ITGA7: variants seen among roughly 807,000 people sequenced by gnomAD.
ITGA7 encodes the protein integrin alpha-7.
ITGA7 carries 84 observed loss-of-function variants against 131.6 expected under a neutral mutation model. The observed-to-expected ratio is 0.64, with a 90% CI of 0.54 to 0.77. The LOEUF (loss-of-function observed/expected upper bound fraction) is 0.77, where lower values mean the gene tolerates loss of function less well. Ranked by LOEUF, ITGA7 falls within the 30% of genes least tolerant of loss-of-function variation. The pLI is 0.00. For missense variants in ITGA7, 1,399 were observed against 1,482.9 expected, an observed-to-expected ratio of 0.94 and a Z score of 0.93; for synonymous variants, 548 against 600.7, an observed-to-expected ratio of 0.91 and a Z score of 1.28.
Position 55,685,022 on chromosome 12 carries a change from G to A in ITGA7, c.*36C>T. 2 of 1,509,358 alleles carry A rather than the reference G, an allele frequency of 1.3e-6. No homozygotes were observed. The highest frequency in any genetic ancestry group is 1.8e-6 in the Non-Finnish European group (2 of 1,120,984). The allele number at this position is 1,509,358 out of a possible 1,614,324, so 93.5% of individuals were successfully genotyped here. On this transcript the variant is annotated 3_prime_UTR_variant, in exon 25 of 25. Coordinates refer to ENST00000257879, the MANE Select transcript of ITGA7 (RefSeq NM_002206.3). ...AAGGAGCCATCTCTGGGGAAGGGATGGAGGGCAGCCACAGGCCAGGCTGGG... is the reference window on the plus strand; with the variant it reads ...AAGGAGCCATCTCTGGGGAAGGGATAGAGGGCAGCCACAGGCCAGGCTGGG...
chr12:55,698,963 G>A, intron 5 of ITGA7, 46 bp from the exon 6 acceptor site: 1 of 1,536,974 alleles, frequency 6.5e-7, no homozygotes, highest in Non-Finnish European at 8.8e-7. Flanking sequence ...CCAAGACTCA[G>A]AAGCTGGGGT....
At position 55,688,076 on chromosome 12, in the gene ITGA7, CA is replaced by C. The variant is rs761673388; in HGVS notation, c.3077del (p.Leu1026TrpfsTer27). ...ASTVIPVMVY[L>X]DPMAVVAEGV... ...CTTCTGCCACCACAGCCATGGGGTC[CA>C]AGTATACCATCACTGGGATCTGGGG... On this transcript the variant is annotated frameshift_variant, in exon 24 of 25. Coordinates refer to ENST00000257879, the MANE Select transcript of ITGA7 (RefSeq NM_002206.3). LOFTEE classifies it high-confidence loss of function. 6.2e-7 allele frequency: 1 copy of C among 1,614,106 alleles called. No individual in the cohort carries two copies.
intron 4 of ITGA7, chr12:55,700,642 A>ATGCAGGCCCCAGC (rs1313651187): frequency 3.1e-6 from 2 of 637,720 alleles, no homozygotes; most frequent in African/African-American, 1.8e-5. Context: ...GTGTTGGAGC[A>ATGCAGGCCCCAGC]TGCAGGCCCC....
chr12:55,707,891 G>T lies in ITGA7; in HGVS notation c.-209C>A, dbSNP rs1403721424. The T allele has an allele frequency of 3.6e-6, 5 of 1,404,116 alleles. No homozygotes were observed. The highest frequency in any genetic ancestry group is 4.6e-6 in the Non-Finnish European group (5 of 1,085,534). 87.0% of individuals were successfully genotyped at this position (1,404,116 alleles called of 1,614,324 possible). On this transcript the variant is annotated 5_prime_UTR_variant, in exon 1 of 25. It adds an upstream start codon to the 5' untranslated region. Coordinates refer to ENST00000257879, the MANE Select transcript of ITGA7 (RefSeq NM_002206.3). ...GGCTAGGACAACTACAGCAGCCGCAGCTCCGGCGCCCACTCCGGCTCCCGC... is the reference window on the plus strand; with the variant it reads ...GGCTAGGACAACTACAGCAGCCGCATCTCCGGCGCCCACTCCGGCTCCCGC...
intron 5 of ITGA7, 105 bp downstream of exon 5, chr12:55,699,765 T>G: frequency 8.2e-6 from 11 of 1,343,280 alleles, no homozygotes; most frequent in Non-Finnish European, 1.1e-5. Flanking sequence ...CCTGGGTGTG[T>G]GTTGGGGGAG....
intron 22 of ITGA7, 72 bp downstream of exon 22, chr12:55,688,771 AG>A: frequency 6.6e-6 from 7 of 1,058,212 alleles, no homozygotes; most frequent in Non-Finnish European, 8.8e-6. Context: ...GTGAGGAAGG[AG>A]GAGGAGAAAT....
intron 3 of ITGA7, chr12:55,701,437 C>G: frequency 6.4e-7 from 1 of 1,551,622 alleles, no homozygotes; most frequent in Non-Finnish European, 8.7e-7. Flanking sequence ...CCAAAAGACA[C>G]AATTAAGCCA....
Position 55,698,399 on chromosome 12 carries a change from G to A in ITGA7, c.1176C>T (p.Asn392=), listed in dbSNP as rs746493879. The A allele has an allele frequency of 1.9e-6, 3 of 1,613,000 alleles. No individual in the cohort carries two copies. The highest frequency in any genetic ancestry group is 4.5e-5 in the East Asian group (2 of 44,814). ...CCGTCACACCTGGAAAGCCATCTTG[G>A]TTGAGGTCCCCCAGGACAGCCAGGC... ...GISLAVLGDL[N]QDGFPDIAVG... is the part of the protein sequence containing the mutation. Residue 392 remains asparagine, a synonymous_variant, in exon 7 of 25, where the codon AAC becomes AAT. Transcript: ENST00000257879.
In ITGA7 at chr12:55,693,303, G is replaced by A. The variant is rs751592658; in HGVS notation, c.2550C>T (p.Gly850=). 7 of 1,613,948 alleles carry A rather than the reference G, an allele frequency of 4.3e-6. No homozygotes were observed. In the African/African-American group the frequency reaches 9.3e-5, roughly 22 times the overall value. The change falls in exon 20 of 25, where the codon GGC becomes GGT. Residue 850 remains glycine, a synonymous_variant. Transcript: ENST00000257879. The stretch of plus-strand genomic sequence containing the variant: ...CAGAGCCCAGGGTTCTGAGCGACTG[G>A]CCTTGGTTGGAAACCTGTGGGAAAA... ...VKYEVTVSNQ[G]QSLRTLGSAF...
At chr12:55,691,316 G>T (rs537409332) in intron 21 of ITGA7, among the ~76,000 whole-genome samples, 1 of 152,034 alleles carries the variant, frequency 6.6e-6, no homozygotes, top group Non-Finnish European at 1.5e-5. Flanking sequence ...GAGTGGAGGC[G>T]GGGTGTGGCT....
chr12:55,706,991 C>A (rs1875334976), intron 1 of ITGA7, among the ~76,000 whole-genome samples: 1 of 152,252 alleles, frequency 6.6e-6, no homozygotes, highest in Non-Finnish European at 1.5e-5. Flanking sequence ...TGCCCTGCTG[C>A]CCTCATTCCA....
chr12:55,709,533 C>T (rs1191469872), upstream of ITGA7, among the ~76,000 whole-genome samples: 1 of 152,186 alleles, frequency 6.6e-6, no homozygotes, highest in Non-Finnish European at 1.5e-5. Flanking sequence ...ATGCTGTCAG[C>T]AGGGCTGGCA....
chr12:55,712,559 T>G (rs17117910), upstream of ITGA7: 1,458 of 516,238 alleles, frequency 2.8e-3, 35 homozygotes, highest in East Asian at 0.04. Context: ...GAGTGTGGAG[T>G]TGCATTCATT....
chr12:55,696,465 C>T, intron 12 of ITGA7, 33 bp from the exon 13 acceptor site: 1 of 1,580,152 alleles, frequency 6.3e-7, no homozygotes, highest in Non-Finnish European at 8.6e-7. Flanking sequence ...CTCACTGGAA[C>T]AATCCCCAGG....
upstream of ITGA7, among the ~76,000 whole-genome samples, chr12:55,709,000 A>G (rs937426633): frequency 1.3e-5 from 2 of 152,194 alleles, no homozygotes; most frequent in African/African-American, 4.8e-5. Flanking sequence ...GAGACAGGAA[A>G]TAATTTGGCA....
At position 55,694,422 on chromosome 12, in the gene ITGA7, T is replaced by G. The variant is rs7953669; in HGVS notation, c.2357+21A>C. On this transcript the variant is annotated intron_variant, in intron 17 of 24. Transcript: ENST00000257879. The surrounding 1 kb of genome is among the most constrained non-coding windows in gnomAD (Gnocchi z 5.3). Reference sequence around the variant, plus strand: ...CAATATGACTACCCCCACCTCACCCTTCCGGCCCCGCCTGGCTTACGTGGC... The same window carrying G: ...CAATATGACTACCCCCACCTCACCCGTCCGGCCCCGCCTGGCTTACGTGGC... 2 of 1,613,780 alleles carry G rather than the reference T, an allele frequency of 1.2e-6. No homozygotes were observed. The highest frequency in any genetic ancestry group is 2.2e-5 in the South Asian group (2 of 91,084).
rs1446822873 is a variant in ITGA7 at position 55,694,431 on chromosome 12, C to T, written c.2357+12G>A. Reference sequence around the variant, plus strand: ...TACCCCCACCTCACCCTTCCGGCCCCGCCTGGCTTACGTGGCCAACAGCAG... The same window carrying T: ...TACCCCCACCTCACCCTTCCGGCCCTGCCTGGCTTACGTGGCCAACAGCAG... On this transcript the variant is annotated intron_variant, in intron 17 of 24. Transcript: ENST00000257879. The surrounding 1 kb of genome is among the most constrained non-coding windows in gnomAD (Gnocchi z 5.3). The T allele has an allele frequency of 3.1e-6, 5 of 1,614,118 alleles. No homozygotes were observed. Among genetic ancestry groups the T allele is most frequent in the East Asian group, 2.2e-5 (1 of 44,876 alleles).
At chr12:55,707,945 C>T, upstream of ITGA7, 2 of 1,348,850 alleles carry the variant, frequency 1.5e-6, no homozygotes, top group Non-Finnish European at 1.9e-6. Context: ...CACTCAGGCC[C>T]CGCCTCCGGC....
rs1323392029 is a variant in ITGA7, at chr12:55,696,368, C to T, written c.1802G>A (p.Arg601Gln). ...CTGGCCAGGAGCCTGTCGCCGGAGC[C>T]GAGGGGTCTGGAGACTGTAGGACAA... Reference protein sequence around the residue: ...VTLSYSLQTPRLRRQAPGQGL... With the variant: ...VTLSYSLQTPQLRRQAPGQGL... The change falls in exon 13 of 25, where the codon CGG becomes CAG. Residue 601 changes from arginine (R) to glutamine (Q), a missense_variant. Transcript: ENST00000257879. The T allele has an allele frequency of 1.1e-5, 17 of 1,595,160 alleles. No homozygotes were observed. Among genetic ancestry groups the T allele is most frequent in the Middle Eastern group, 1.6e-4 (1 of 6,062 alleles).
Sources: allele counts gnomAD v4.1 joint callset (sites outside exome capture counted in the v4.1 genomes callset), GRCh38; gene constraint gnomAD v4.1.1; non-coding constraint Gnocchi (gnomAD v3.1); transcripts MANE v1.5; gene names NCBI Gene and HGNC (gene_info 2026-07-23, HGNC 2026-07-21).